The following KLHL1 variants were observed in gnomAD, a reference collection of about 807,000 sequenced individuals.
KLHL1 encodes kelch like family member 1.
In KLHL1, 47 loss-of-function variants were observed where a neutral mutation model predicts 77.7. The ratio of observed to expected loss-of-function variants is 0.60; its 90% CI spans 0.48 to 0.77. The LOEUF (loss-of-function observed/expected upper bound fraction) is 0.77. Ranked by LOEUF, KLHL1 falls within the 30% of genes least tolerant of loss-of-function variation. KLHL1 has a pLI of 0.00. For synonymous variants in KLHL1, 360 were observed against 325.2 expected (o/e 1.11, Z -1.15); for missense variants, 925 against 910.8 (o/e 1.02, Z -0.20).
intron 5 of KLHL1, among the ~76,000 whole-genome samples, chr13:69,873,482 C>T (rs1223935842): frequency 6.6e-6 from 1 of 152,014 alleles, no homozygotes; most frequent in African/African-American, 2.4e-5. Context: ...TTAAGTTTGC[C>T]TTCCCTTTGT....
chr13:69,702,821 T>C (rs1566349000), intron 10 of KLHL1, among the ~76,000 whole-genome samples: 1 of 151,676 alleles, frequency 6.6e-6, no homozygotes, highest in East Asian at 1.9e-4. Flanking sequence ...AAAATGAGAG[T>C]AGGGAAGGAG....
At chr13:69,805,439 G>A (rs527472620) in intron 6 of KLHL1, among the ~76,000 whole-genome samples, 1 of 151,956 alleles carries the variant, frequency 6.6e-6, no homozygotes, top group South Asian at 2.1e-4. Flanking sequence ...CATTTCTATT[G>A]TATGTATTAC....
chr13:69,709,572 G>A (rs544923367), intron 9 of KLHL1, among the ~76,000 whole-genome samples: 8 of 151,976 alleles, frequency 5.3e-5, no homozygotes, highest in South Asian at 2.1e-4. Flanking sequence ...TGGAATATCA[G>A]TGAGAACCCA....
At chr13:70,027,046 A>C (rs80210539) in intron 1 of KLHL1, among the ~76,000 whole-genome samples, 9,138 of 152,196 alleles carry the variant, frequency 0.06, 383 homozygotes, top group Non-Finnish European at 0.091. Context: ...GGAAACAACA[A>C]ATTTTGAGTT....
intron 9 of KLHL1, among the ~76,000 whole-genome samples, chr13:69,709,904 A>G (rs532398267): frequency 6.6e-6 from 1 of 151,920 alleles, no homozygotes; most frequent in East Asian, 1.9e-4. Flanking sequence ...TAAAGTGAAT[A>G]ATTTATGTAG....
intron 4 of KLHL1, among the ~76,000 whole-genome samples, chr13:69,904,416 G>A (rs908703665): frequency 1.3e-5 from 2 of 152,044 alleles, no homozygotes; most frequent in Admixed American, 6.6e-5. Context: ...AATCTCCAAC[G>A]TTCTCATTTC....
At chr13:69,989,782 G>A (rs1390102043) in intron 1 of KLHL1, among the ~76,000 whole-genome samples, 2 of 151,874 alleles carry the variant, frequency 1.3e-5, no homozygotes, top group African/African-American at 4.8e-5. Flanking sequence ...TAGTGTATAG[G>A]AATGCTACTG....
intron 6 of KLHL1, among the ~76,000 whole-genome samples, chr13:69,826,338 A>C (rs1242725022): frequency 6.6e-6 from 1 of 152,204 alleles, no homozygotes; most frequent in African/African-American, 2.4e-5. Flanking sequence ...TAATCCCGGC[A>C]CTTTGGGAGG....
chr13:70,080,863 A>G (rs1311375860), intron 1 of KLHL1, among the ~76,000 whole-genome samples: 1 of 152,094 alleles, frequency 6.6e-6, no homozygotes, highest in Non-Finnish European at 1.5e-5. Flanking sequence ...AGCCTCCCAA[A>G]GTGCTGGGAC....
At chr13:70,102,177 GTCCCACTAA>G (rs1887937482) in intron 1 of KLHL1, among the ~76,000 whole-genome samples, 1 of 152,094 alleles carries the variant, frequency 6.6e-6, no homozygotes, top group African/African-American at 2.4e-5. Context: ...CCTGGTACAT[GTCCCACTAA>G]TCTCCATGAG....
In KLHL1 at chr13:70,108,169, C is replaced by CTCAGAGT; in HGVS notation, c.-477_-471dup. On this transcript the variant is annotated 5_prime_UTR_variant, in exon 1 of 11. Coordinates refer to ENST00000377844, the MANE Select transcript of KLHL1 (RefSeq NM_020866.3). ...GGTGGTGGCGTTCTTGTCCTTGCAG[C>CTCAGAGT]TCAGAGTTCAGTGTCTGGAGAGCGC... 1 of 399,800 alleles carries CTCAGAGT rather than the reference C, an allele frequency of 2.5e-6. No homozygotes were observed. The highest frequency in any genetic ancestry group is 4.4e-6 in the Non-Finnish European group (1 of 227,574). The allele number at this position is 399,800 out of a possible 1,614,324, so 24.8% of individuals were successfully genotyped here. A position where few individuals can be genotyped will look rare whatever the true frequency, so the allele number is the denominator to read the frequency against.
chr13:69,813,951 CA>C (rs1390476002), intron 6 of KLHL1, among the ~76,000 whole-genome samples: 7 of 151,902 alleles, frequency 4.6e-5, no homozygotes, highest in Admixed American at 3.3e-4. Context: ...AAATCCTAAG[CA>C]AAAAGAATAA....
intron 5 of KLHL1, among the ~76,000 whole-genome samples, chr13:69,881,129 C>T (rs1880973403): frequency 6.6e-6 from 1 of 152,142 alleles, no homozygotes; most frequent in Non-Finnish European, 1.5e-5. Flanking sequence ...GATGTGCTCA[C>T]ATAATTTGAA....
At chr13:69,922,285 G>C (rs1006261039) in intron 4 of KLHL1, among the ~76,000 whole-genome samples, 1 of 152,032 alleles carries the variant, frequency 6.6e-6, no homozygotes, top group African/African-American at 2.4e-5. Context: ...AAAATTTTAA[G>C]GGTACAGAGG....
At chr13:69,817,723 T>G (rs547048559) in intron 6 of KLHL1, among the ~76,000 whole-genome samples, 1 of 152,230 alleles carries the variant, frequency 6.6e-6, no homozygotes, top group Admixed American at 6.5e-5. Context: ...CTAAAGGAGA[T>G]TTAGTGTGGA....
rs894508098 is a variant in KLHL1, at chr13:69,744,483, T to C, written c.1640-3927A>G. On this transcript the variant is annotated intron_variant, in intron 7 of 10. Coordinates refer to ENST00000377844, the MANE Select transcript of KLHL1 (RefSeq NM_020866.3). ...ATGACTTTGTATAAATGTTTCAAAG[T>C]ATAATATATATATATTACATTAATA... is the stretch of plus-strand genomic sequence containing the variant. Among the ~76,000 whole-genome samples the C allele has an allele frequency of 2.7e-5, 4 of 150,220 alleles. No homozygotes were observed. In the South Asian group the frequency reaches 8.3e-4, roughly 31 times the overall value.
chr13:69,898,193 C>A (rs1031800421), intron 4 of KLHL1, among the ~76,000 whole-genome samples: 1 of 152,202 alleles, frequency 6.6e-6, no homozygotes, highest in Non-Finnish European at 1.5e-5. Flanking sequence ...AGGGCCTGCT[C>A]CAGGATAGCC....
chr13:69,740,965 T>C (rs967245943), intron 7 of KLHL1, among the ~76,000 whole-genome samples: 1 of 152,148 alleles, frequency 6.6e-6, no homozygotes, highest in Non-Finnish European at 1.5e-5. Context: ...CCTCTACTTT[T>C]AAAGAGCATT....
Position 69,911,482 on chromosome 13 carries a change from G to A in KLHL1, c.1014+28558C>T, listed in dbSNP as rs73510113. Reference sequence around the variant, plus strand: ...GCAAGCTATTAGGGGTTATGTTAATGGATTCTCTTTACAAATATTCAGTAC... The same window carrying A: ...GCAAGCTATTAGGGGTTATGTTAATAGATTCTCTTTACAAATATTCAGTAC... On this transcript the variant is annotated intron_variant, in intron 4 of 10. Coordinates refer to ENST00000377844, the MANE Select transcript of KLHL1 (RefSeq NM_020866.3). 6.5e-3 allele frequency among the ~76,000 whole-genome samples: 982 copies of A among 151,186 alleles called. 13 individuals are homozygous for A. The highest frequency in any genetic ancestry group is 0.023 in the African/African-American group (941 of 41,222).
Sources: gnomAD v4.1 joint callset for allele counts (sites outside exome capture counted in the v4.1 genomes callset) on GRCh38, gnomAD v4.1.1 for gene constraint, MANE v1.5 for transcripts, NCBI Gene and HGNC (gene_info 2026-07-23, HGNC 2026-07-21) for gene names.